Variants in GLG1 observed in about 807,000 individuals in gnomAD.
GLG1 encodes Golgi apparatus protein 1.
In GLG1, 38 loss-of-function variants were observed where a neutral mutation model predicts 160.5. The observed-to-expected ratio is 0.24, with a 90% CI of 0.18 to 0.31. The LOEUF (loss-of-function observed/expected upper bound fraction) is 0.31, where lower values mean the gene tolerates loss of function less well. Ranked by LOEUF, GLG1 falls within the 10% of genes least tolerant of loss-of-function variation. The probability of loss-of-function intolerance (pLI) is 1.00; values close to 1 mark genes in which losing one functional copy is unlikely to be tolerated. For missense variants in GLG1, 1,373 were observed against 1,505.2 expected (o/e 0.91, Z 1.45); for synonymous variants, 644 against 543.4 (o/e 1.19, Z -2.57).
chr16:74,454,702 T>A (rs2014463893), intron 25 of GLG1, among the ~76,000 whole-genome samples: 1 of 140,524 alleles, frequency 7.1e-6, no homozygotes, highest in East Asian at 2.1e-4. Context: ...AAAAAAAAAT[T>A]TTTTTTTTTG....
In GLG1 at chr16:74,483,066, G is replaced by T; in HGVS notation, c.1630C>A (p.His544Asn). ...YTEKMVEDCE[H>N]RLLELQYFIS... Reference sequence around the variant, plus strand: ...AAATACTGCAGCTCTAAGAGACGGTGTTCACAGTCTTCTACCATCTTCTCT... The same window carrying T: ...AAATACTGCAGCTCTAAGAGACGGTTTTCACAGTCTTCTACCATCTTCTCT... The change falls in exon 10 of 26, where the codon CAC (histidine) becomes AAC (asparagine). Residue 544 changes from histidine to asparagine, a missense_variant. By Grantham distance (68) the His-to-Asn change is moderately conservative. Transcript: ENST00000422840. 6.2e-7 allele frequency: 1 copy of T among 1,610,682 alleles called. No homozygotes were observed. Among genetic ancestry groups the T allele is most frequent in the African/African-American group, 1.3e-5 (1 of 74,986 alleles).
chr16:74,607,052 C>A lies in GLG1; in HGVS notation c.43G>T (p.Ala15Ser), dbSNP rs755962866. 5 of 1,588,736 alleles carry A rather than the reference C, an allele frequency of 3.1e-6. No homozygotes were observed. Among genetic ancestry groups the A allele is most frequent in the African/African-American group, 1.3e-5 (1 of 74,560 alleles). Reference protein sequence around the residue: ...GRVRRMFRLSAALHLLLLFAA... With the variant: ...GRVRRMFRLSSALHLLLLFAA... ...AATAGCAGCAGCAGATGCAGCGCCG[C>A]CGACAAGCGGAACATCCTCCGTACA... Residue 15 changes from alanine to serine, a missense_variant, in exon 1 of 26, where the codon GCG becomes TCG. By Grantham distance (99) the Ala-to-Ser change is moderately conservative (BLOSUM62 1). Coordinates refer to ENST00000422840, the MANE Select transcript of GLG1 (RefSeq NM_001145667.2).
intron 2 of GLG1, among the ~76,000 whole-genome samples, chr16:74,513,016 C>T (rs958528900): frequency 6.6e-6 from 1 of 152,082 alleles, no homozygotes; most frequent in South Asian, 2.1e-4. Flanking sequence ...CCTATGGAAA[C>T]AGAGTTCAGA....
chr16:74,539,997 T>TTA (rs372104771), intron 1 of GLG1, among the ~76,000 whole-genome samples: 496 of 1,780 alleles, frequency 0.28, 157 homozygotes, highest in Non-Finnish European at 0.69. Context: ...TATATATATT[T>TTA]TATATATATA....
rs1491185102 is a variant in GLG1, at chr16:74,540,093, T to TATTTTA, written c.439-7941_439-7940insTAAAAT. 0.021 allele frequency among the ~76,000 whole-genome samples: 10 copies of TATTTTA among 468 alleles called. 5 individuals carry two copies. The Admixed American group carries it at 0.22, about 10-fold the overall frequency. 0.3% of individuals were successfully genotyped at this position (468 alleles called of 152,430 possible). ...ATATTATATATATTTTATATATATA[T>TATTTTA]TATATATATTTTATATATATATATT... On this transcript the variant is annotated intron_variant, in intron 1 of 25. Coordinates refer to ENST00000422840, the MANE Select transcript of GLG1 (RefSeq NM_001145667.2).
rs376300022 is a variant in GLG1, at chr16:74,470,118, G to C, written c.2230-45C>G. 10 of 1,118,460 alleles carry C rather than the reference G, an allele frequency of 8.9e-6. No individual in the cohort carries two copies. In the African/African-American group the frequency reaches 1.5e-4, roughly 17 times the overall value. 69.3% of individuals were successfully genotyped at this position (1,118,460 alleles called of 1,614,324 possible). A position where few individuals can be genotyped will look rare whatever the true frequency, so the allele number is the denominator to read the frequency against. On this transcript the variant is annotated intron_variant, in intron 15 of 25. Coordinates refer to ENST00000422840, the MANE Select transcript of GLG1 (RefSeq NM_001145667.2). The stretch of plus-strand genomic sequence containing the variant: ...AAAGTCAGAAGTTTTGTGGCAACTT[G>C]TGGTCAGTAGTGGTAGGGCGCACTT...
intron 2 of GLG1, among the ~76,000 whole-genome samples, chr16:74,531,832 A>C (rs992906990): frequency 6.6e-6 from 1 of 152,256 alleles, no homozygotes; most frequent in South Asian, 2.1e-4. Context: ...AGAAAACTTT[A>C]AAACAGGAAA....
intron 7 of GLG1, among the ~76,000 whole-genome samples, chr16:74,491,699 G>A (rs1438018215): frequency 2.5e-5 from 3 of 119,160 alleles, no homozygotes; most frequent in African/African-American, 9.4e-5. Context: ...AGTGCAGCGC[G>A]CGATCTCGGC....
intron 2 of GLG1, among the ~76,000 whole-genome samples, chr16:74,518,979 C>T (rs1391264569): frequency 6.6e-6 from 1 of 152,116 alleles, no homozygotes; most frequent in Non-Finnish European, 1.5e-5. Context: ...GCAATCCCAT[C>T]ACTAGGCATA....
At chr16:74,597,505 G>C (rs1027780913) in intron 1 of GLG1, among the ~76,000 whole-genome samples, 2 of 151,340 alleles carry the variant, frequency 1.3e-5, no homozygotes, top group Non-Finnish European at 2.9e-5. Flanking sequence ...GATCACCTGA[G>C]GTCAGGAGTT....
intron 4 of GLG1, among the ~76,000 whole-genome samples, chr16:74,501,317 C>T (rs986559282): frequency 6.6e-6 from 1 of 152,122 alleles, no homozygotes; most frequent in Admixed American, 6.5e-5. Context: ...TACAAGAAAG[C>T]CTTTGATGCT....
At chr16:74,507,413 T>C (rs1348421990) in intron 3 of GLG1, among the ~76,000 whole-genome samples, 1 of 152,074 alleles carries the variant, frequency 6.6e-6, no homozygotes, top group African/African-American at 2.4e-5. Flanking sequence ...GGTATATATA[T>C]ATGTATCTCT....
intron 11 of GLG1, among the ~76,000 whole-genome samples, chr16:74,477,887 C>T (rs1425412035): frequency 1.3e-5 from 2 of 151,748 alleles, no homozygotes; most frequent in Admixed American, 6.6e-5. Context: ...GCAGAAGAAT[C>T]GCTTGAACCC....
At chr16:74,522,738 C>T (rs1352217611) in intron 2 of GLG1, among the ~76,000 whole-genome samples, 1 of 152,134 alleles carries the variant, frequency 6.6e-6, no homozygotes, top group Non-Finnish European at 1.5e-5. Flanking sequence ...GCCTGGAGTG[C>T]AGTGGCGTGA....
chr16:74,562,509 G>C (rs769864002), intron 1 of GLG1, among the ~76,000 whole-genome samples: 1 of 152,122 alleles, frequency 6.6e-6, no homozygotes, highest in Non-Finnish European at 1.5e-5. Context: ...GCCCAGGCTG[G>C]AGAGCAGTGG....
intron 8 of GLG1, among the ~76,000 whole-genome samples, chr16:74,490,776 C>A (rs954829269): frequency 7.2e-5 from 11 of 152,158 alleles, no homozygotes; most frequent in Non-Finnish European, 1.5e-5. Context: ...TCTAAGAAGA[C>A]AATTCTTTTT....
intron 1 of GLG1, among the ~76,000 whole-genome samples, chr16:74,593,411 T>C (rs1002926203): frequency 6.6e-6 from 1 of 151,114 alleles, no homozygotes. Flanking sequence ...ACACCTAAAT[T>C]ACAAGTGAAG....
intron 8 of GLG1, among the ~76,000 whole-genome samples, chr16:74,486,317 G>A (rs918047102): frequency 6.6e-6 from 1 of 152,118 alleles, no homozygotes; most frequent in African/African-American, 2.4e-5. Context: ...GACCTAATTG[G>A]GTCATAAGAA....
At chr16:74,514,726 C>T (rs1253440118) in intron 2 of GLG1, among the ~76,000 whole-genome samples, 4 of 152,144 alleles carry the variant, frequency 2.6e-5, no homozygotes. Context: ...GAAGAGACTG[C>T]ATCAATTAAC....
Sources: gnomAD v4.1 joint callset for allele counts (sites outside exome capture counted in the v4.1 genomes callset) on GRCh38, gnomAD v4.1.1 for gene constraint, MANE v1.5 for transcripts, NCBI Gene and HGNC (gene_info 2026-07-23, HGNC 2026-07-21) for gene names.